Variants in ZMAT4 observed in about 807,000 individuals in gnomAD.
ZMAT4 encodes zinc finger matrin-type protein 4.
In ZMAT4, 17 loss-of-function variants were observed where a neutral mutation model predicts 28.7. That is an observed-to-expected ratio of 0.59 (90% CI 0.41 to 0.89). ZMAT4 has a LOEUF of 0.89. Ranked by LOEUF, ZMAT4 falls within the 40% of genes least tolerant of loss-of-function variation. The probability of loss-of-function intolerance (pLI) is 0.00; values close to 1 mark genes in which losing one functional copy is unlikely to be tolerated. For synonymous variants in ZMAT4, 117 were observed against 109.2 expected, an observed-to-expected ratio of 1.07 and a Z score of -0.44; for missense variants, 240 against 283.8, an observed-to-expected ratio of 0.85 and a Z score of 1.11.
At chr8:40,704,249 C>T (rs1056925601) in intron 3 of ZMAT4, among the ~76,000 whole-genome samples, 1 of 152,214 alleles carries the variant, frequency 6.6e-6, no homozygotes, top group Non-Finnish European at 1.5e-5. Context: ...TGTCTCTTCT[C>T]TCCCACTTTA....
intron 2 of ZMAT4, among the ~76,000 whole-genome samples, chr8:40,783,525 A>G (rs955601979): frequency 1.3e-5 from 2 of 152,216 alleles, no homozygotes; most frequent in African/African-American, 4.8e-5. Context: ...AAACTCCACC[A>G]AATAACCATC....
At chr8:40,786,583 G>T in intron 2 of ZMAT4, 1 of 748,212 alleles carries the variant, frequency 1.3e-6, no homozygotes. Flanking sequence ...ACAAAGAACA[G>T]CCAGCATGCA....
At chr8:40,739,078 T>G (rs942161309) in intron 3 of ZMAT4, among the ~76,000 whole-genome samples, 1 of 152,194 alleles carries the variant, frequency 6.6e-6, no homozygotes, top group African/African-American at 2.4e-5. Flanking sequence ...ACCAAGGATT[T>G]AAAAAACAAA....
intron 5 of ZMAT4, among the ~76,000 whole-genome samples, chr8:40,614,233 C>T (rs1406884529): frequency 2.0e-5 from 3 of 152,100 alleles, no homozygotes. Context: ...CTAGGAAGCC[C>T]AGGACTAAGA....
intron 5 of ZMAT4, among the ~76,000 whole-genome samples, chr8:40,597,623 AT>A (rs1341011743): frequency 6.6e-6 from 1 of 152,054 alleles, no homozygotes; most frequent in Non-Finnish European, 1.5e-5. Flanking sequence ...TTACTTTTTA[AT>A]TTTTTTCTGA....
chr8:40,750,018 C>T (rs1585989423), intron 3 of ZMAT4, among the ~76,000 whole-genome samples: 1 of 152,266 alleles, frequency 6.6e-6, no homozygotes, highest in East Asian at 1.9e-4. Context: ...CAATTTACTG[C>T]AAATTAGTAG....
chr8:40,574,800 G>A (rs1804208124), intron 6 of ZMAT4, among the ~76,000 whole-genome samples: 1 of 152,152 alleles, frequency 6.6e-6, no homozygotes, highest in African/African-American at 2.4e-5. Flanking sequence ...CATTGTCACT[G>A]CAGACACCTG....
chr8:40,844,388 A>T (rs993816577), intron 1 of ZMAT4, among the ~76,000 whole-genome samples: 1 of 152,180 alleles, frequency 6.6e-6, no homozygotes, highest in Admixed American at 6.5e-5. Context: ...AAGGCAGAGA[A>T]GGGTGAGTTT....
At chr8:40,865,758 C>G (rs1280778251) in intron 1 of ZMAT4, among the ~76,000 whole-genome samples, 1 of 152,214 alleles carries the variant, frequency 6.6e-6, no homozygotes, top group African/African-American at 2.4e-5. Context: ...TTTTAGACTC[C>G]GTCTTCTGCT....
intron 3 of ZMAT4, among the ~76,000 whole-genome samples, chr8:40,704,446 G>A (rs1474422413): frequency 6.6e-6 from 1 of 152,124 alleles, no homozygotes; most frequent in African/African-American, 2.4e-5. Flanking sequence ...GTTATTTCAA[G>A]ACGTCTGCAA....
chr8:40,548,315 G>A (rs1343808481), intron 6 of ZMAT4, among the ~76,000 whole-genome samples: 1 of 151,728 alleles, frequency 6.6e-6, no homozygotes, highest in African/African-American at 2.4e-5. Context: ...GAAGGAGGAG[G>A]AAGAAGAGGA....
rs769393055 is a variant in ZMAT4, at chr8:40,581,301, G to A, written c.578-40C>T. On this transcript the variant is annotated intron_variant, in intron 5 of 6. Transcript: ENST00000297737. ...CAGACCTGGTTAGCTGCATCCAGTC[G>A]TCAACCACCTGAAATGAATCCTAGC... The A allele has an allele frequency of 1.5e-5, 23 of 1,542,580 alleles. No individual in the cohort carries two copies. In the East Asian group the frequency reaches 2.0e-4, roughly 14 times the overall value.
intron 5 of ZMAT4, among the ~76,000 whole-genome samples, chr8:40,589,275 C>G (rs1804772918): frequency 6.6e-6 from 1 of 152,182 alleles, no homozygotes; most frequent in South Asian, 2.1e-4. Context: ...TCAAAACCAT[C>G]TAGCTAGTGG....
intron 6 of ZMAT4, among the ~76,000 whole-genome samples, chr8:40,580,010 C>CTTTTTT (rs60027647): frequency 8.4e-6 from 1 of 118,744 alleles, no homozygotes; most frequent in Non-Finnish European, 1.7e-5. Context: ...ATGTATTCAT[C>CTTTTTT]TTTTTTTTTT....
chr8:40,549,360 G>A (rs1803298163), intron 6 of ZMAT4, among the ~76,000 whole-genome samples: 1 of 152,146 alleles, frequency 6.6e-6, no homozygotes, highest in South Asian at 2.1e-4. Context: ...GCTAAAAACA[G>A]CTCCTGAGAA....
intron 6 of ZMAT4, among the ~76,000 whole-genome samples, chr8:40,553,095 G>A (rs74382691): frequency 0.036 from 5,528 of 152,220 alleles, 185 homozygotes; most frequent in East Asian, 0.13. Context: ...AACTGTGTCC[G>A]CTCCTTATTC....
intron 2 of ZMAT4, among the ~76,000 whole-genome samples, chr8:40,820,293 T>C (rs72641556): frequency 0.14 from 21,538 of 151,384 alleles, 1,909 homozygotes; most frequent in Non-Finnish European, 0.2. Context: ...TTTATGTGTG[T>C]ATGTGTGTGC....
intron 2 of ZMAT4, among the ~76,000 whole-genome samples, chr8:40,793,026 A>T (rs564514503): frequency 2.0e-5 from 3 of 152,148 alleles, no homozygotes; most frequent in Non-Finnish European, 4.4e-5. Context: ...TGGTGGATAC[A>T]TATTATGTAC....
intron 1 of ZMAT4, among the ~76,000 whole-genome samples, chr8:40,856,497 G>T (rs181220367): frequency 6.0e-4 from 92 of 152,328 alleles, no homozygotes; most frequent in Non-Finnish European, 1.1e-3. Context: ...TGGAGCTAAT[G>T]TGAGAAAAGT....
Sources: allele counts gnomAD v4.1 joint callset (sites outside exome capture counted in the v4.1 genomes callset), GRCh38; gene constraint gnomAD v4.1.1; transcripts MANE v1.5; gene names NCBI Gene and HGNC (gene_info 2026-07-23, HGNC 2026-07-21).